Variants in KDM2B observed in about 807,000 individuals in gnomAD.
KDM2B encodes the protein lysine-specific demethylase 2B.
A neutral mutation model predicts 150.0 loss-of-function variants in KDM2B; 26 were observed. The observed-to-expected ratio is 0.17, with a 90% CI of 0.13 to 0.24. KDM2B has a LOEUF of 0.24. KDM2B is among the 10% of genes least tolerant of loss of function. KDM2B has a pLI of 1.00. For synonymous variants in KDM2B, 734 were observed against 729.5 expected, an observed-to-expected ratio of 1.01 and a Z score of -0.10; for missense variants, 1,265 against 1,816.9, an observed-to-expected ratio of 0.70 and a Z score of 5.52.
intron 4 of KDM2B, among the ~76,000 whole-genome samples, chr12:121,556,582 G>A (rs1449720904): frequency 2.0e-5 from 3 of 152,192 alleles, no homozygotes; most frequent in Non-Finnish European, 4.4e-5. Flanking sequence ...TGGGCACCAT[G>A]GCTCAAGCCT....
chr12:121,541,508 AAAAG>A (rs1312055915), intron 6 of KDM2B, among the ~76,000 whole-genome samples: 3 of 152,072 alleles, frequency 2.0e-5, no homozygotes, highest in Non-Finnish European at 4.4e-5. Flanking sequence ...AAGAGAAAAA[AAAAG>A]AAAGCCTTGC....
intron 1 of KDM2B, 130 bp downstream of exon 1, chr12:121,580,656 C>G: frequency 1.5e-6 from 2 of 1,346,912 alleles, no homozygotes; most frequent in South Asian, 3.1e-5. Context: ...GAAATGCAAG[C>G]CGAGCATGCT....
At chr12:121,463,055 G>A (rs553032712) in intron 12 of KDM2B, among the ~76,000 whole-genome samples, 4 of 149,184 alleles carry the variant, frequency 2.7e-5, no homozygotes, top group South Asian at 2.1e-4. Flanking sequence ...GGTGGCTCAC[G>A]CCTATAATCC....
chr12:121,540,662 G>A (rs945516329), intron 6 of KDM2B, among the ~76,000 whole-genome samples: 10 of 151,328 alleles, frequency 6.6e-5, no homozygotes, highest in African/African-American at 1.7e-4. Flanking sequence ...GCTGAGGCAG[G>A]AGAATCACTG....
intron 22 of KDM2B, among the ~76,000 whole-genome samples, chr12:121,431,947 G>A (rs1443565139): frequency 1.4e-5 from 2 of 141,952 alleles, no homozygotes; most frequent in African/African-American, 2.7e-5. Flanking sequence ...GCAGTGGCAC[G>A]ACCTCGGCTT....
At chr12:121,577,149 CG>C (rs1891551480) in intron 2 of KDM2B, among the ~76,000 whole-genome samples, 1 of 152,090 alleles carries the variant, frequency 6.6e-6, no homozygotes, top group South Asian at 2.1e-4. Flanking sequence ...TGAAAGAAGC[CG>C]GGAGAGCAGA....
the KDM2B span, among the ~76,000 whole-genome samples, chr12:121,415,028 G>A: frequency 2.6e-5 from 4 of 152,126 alleles, no homozygotes; most frequent in East Asian, 1.9e-4. Flanking sequence ...CCCGGGAGGC[G>A]GACGTTGCAG....
At chr12:121,456,673 AGTAAAAACGTTGG>A (rs1411101175) in intron 12 of KDM2B, among the ~76,000 whole-genome samples, 1 of 152,238 alleles carries the variant, frequency 6.6e-6, no homozygotes, top group Non-Finnish European at 1.5e-5. Context: ...TGTCTGGGCA[AGTAAAAACGTTGG>A]GCCAATCCAG....
chr12:121,567,843 C>A (rs530420024), intron 4 of KDM2B, among the ~76,000 whole-genome samples: 52 of 151,908 alleles, frequency 3.4e-4, no homozygotes, highest in African/African-American at 1.2e-3. Context: ...ATTCTCCTGC[C>A]TCAGCCTCAG....
At chr12:121,473,905 G>A (rs1881051712) in intron 12 of KDM2B, among the ~76,000 whole-genome samples, 1 of 152,176 alleles carries the variant, frequency 6.6e-6, no homozygotes, top group Non-Finnish European at 1.5e-5. Flanking sequence ...GCCATAAAAA[G>A]GAGTGAAGTA....
chr12:121,466,513 T>TCCGCCG (rs1384210396), intron 12 of KDM2B, among the ~76,000 whole-genome samples: 5 of 150,262 alleles, frequency 3.3e-5, no homozygotes, highest in Admixed American at 1.3e-4. Flanking sequence ...CGCGGCTTCC[T>TCCGCCG]CCGCCGCCGC....
At chr12:121,466,440 T>G (rs1016924678) in intron 12 of KDM2B, among the ~76,000 whole-genome samples, 5 of 152,158 alleles carry the variant, frequency 3.3e-5, no homozygotes, top group Admixed American at 6.5e-5. Context: ...TTTCTCCCCC[T>G]GGTCCCGAGA....
chr12:121,458,607 G>C (rs1205255456), intron 12 of KDM2B, among the ~76,000 whole-genome samples: 4 of 151,982 alleles, frequency 2.6e-5, no homozygotes, highest in Non-Finnish European at 4.4e-5. Flanking sequence ...TTCAAGACCA[G>C]CCTGTCCAAC....
At chr12:121,464,606 G>T (rs1555294433) in intron 12 of KDM2B, among the ~76,000 whole-genome samples, 1 of 152,224 alleles carries the variant, frequency 6.6e-6, no homozygotes, top group South Asian at 2.1e-4. Context: ...TGGGGTGGGC[G>T]TGAGGGCTAC....
Position 121,444,467 on chromosome 12 carries a change from C to T in KDM2B, c.2173G>A (p.Ala725Thr), listed in dbSNP as rs1555289644. ...NCWECPKCNH[A>T]GKTGKQKRGP... Reference sequence around the variant, plus strand: ...GCACTCACTTTCCCGGTCTTGCCGGCGTGGTTACACTTCGGACACTCCCAG... The same window carrying T: ...GCACTCACTTTCCCGGTCTTGCCGGTGTGGTTACACTTCGGACACTCCCAG... The change falls in exon 15 of 23, where the codon GCC (alanine) becomes ACC (threonine). Residue 725 changes from alanine (A) to threonine (T), a missense_variant. Physicochemically the swap from Ala to Thr is moderately conservative, Grantham distance 58 (BLOSUM62 0). Around this residue, in one of 11 missense-constraint regions of KDM2B, gnomAD observed 38 missense variants for 98.1 expected, o/e 0.39. Coordinates refer to ENST00000377071, the MANE Select transcript of KDM2B (RefSeq NM_032590.5). 9.9e-6 allele frequency: 16 copies of T among 1,614,042 alleles called. No homozygotes were observed. In the East Asian group the frequency reaches 3.1e-4, roughly 31 times the overall value.
In KDM2B at chr12:121,562,340, C is replaced by T. The variant is rs111244127; in HGVS notation, c.397+12207G>A. On this transcript the variant is annotated intron_variant, in intron 4 of 22. Coordinates refer to ENST00000377071, the MANE Select transcript of KDM2B (RefSeq NM_032590.5). ...TCTACTAAAAATACAAAAAATTAGCCGGGCGTGGTGGTATGAGCCTGTAAT... is the reference window on the plus strand; with the variant it reads ...TCTACTAAAAATACAAAAAATTAGCTGGGCGTGGTGGTATGAGCCTGTAAT... 2.0e-3 allele frequency among the ~76,000 whole-genome samples: 302 copies of T among 151,816 alleles called. 1 individual carries two copies. Among genetic ancestry groups the T allele is most frequent in the African/African-American group, 6.5e-3 (271 of 41,416 alleles).
chr12:121,521,704 C>A lies in KDM2B; in HGVS notation c.932-604G>T, dbSNP rs1383255500. On this transcript the variant is annotated intron_variant, in intron 8 of 22. Transcript: ENST00000377071. This position sits in a 1 kb window ranked among gnomAD's most constrained non-coding sequence, Gnocchi z 4.9. Reference sequence around the variant, plus strand: ...CCCCTCAGCTCTGCCCTCCACTCTGCCCCACAGGCTGCTGGTAAGTCTCTC... The same window carrying A: ...CCCCTCAGCTCTGCCCTCCACTCTGACCCACAGGCTGCTGGTAAGTCTCTC... Among the ~76,000 whole-genome samples the A allele has an allele frequency of 2.0e-5, 3 of 152,150 alleles. No homozygotes were observed. In the East Asian group the frequency reaches 5.8e-4, roughly 29 times the overall value.
intron 9 of KDM2B, among the ~76,000 whole-genome samples, chr12:121,519,738 C>T (rs781970651): frequency 1.1e-4 from 17 of 152,076 alleles, no homozygotes; most frequent in Admixed American, 7.9e-4. Context: ...ATACTAAAAC[C>T]ACTGAATTGT....
intron 12 of KDM2B, among the ~76,000 whole-genome samples, chr12:121,479,652 TG>T (rs1881856184): frequency 6.6e-6 from 1 of 151,732 alleles, no homozygotes. Flanking sequence ...GACGGAGTCT[TG>T]CTCTGTTGCC....
Sources: gnomAD v4.1 joint callset for allele counts (sites outside exome capture counted in the v4.1 genomes callset) on GRCh38, gnomAD v4.1.1 for gene constraint, gnomAD v4.1.1 regional missense constraint, Gnocchi (gnomAD v3.1) non-coding constraint, MANE v1.5 for transcripts, NCBI Gene and HGNC (gene_info 2026-07-23, HGNC 2026-07-21) for gene names.